CCNY: variants seen among roughly 807,000 people sequenced by gnomAD.
CCNY encodes the protein cyclin-Y.
CCNY carries 19 observed loss-of-function variants against 42.8 expected under a neutral mutation model. The ratio of observed to expected loss-of-function variants is 0.44; its 90% CI spans 0.31 to 0.65. CCNY has a LOEUF of 0.65. Ranked by LOEUF, CCNY falls within the 30% of genes least tolerant of loss-of-function variation. CCNY has a pLI of 0.07. For missense variants in CCNY, 370 were observed against 437.3 expected (o/e 0.85, Z 1.37); for synonymous variants, 165 against 162.7 (o/e 1.01, Z -0.11).
At chr10:35,352,647 T>C (rs556827865) in intron 1 of CCNY, among the ~76,000 whole-genome samples, 1 of 152,338 alleles carries the variant, frequency 6.6e-6, no homozygotes, top group East Asian at 1.9e-4. Flanking sequence ...GTCAACGTTA[T>C]TTGGACCTTG....
chr10:35,465,938 A>AGAGTGTGTGTGTGTGT, intron 1 of CCNY, among the ~76,000 whole-genome samples: 1 of 80,960 alleles, frequency 1.2e-5, no homozygotes, highest in South Asian at 5.1e-4. Context: ...AGAGAGAGAG[A>AGAGTGTGTGTGTGTGT]GTGTGTGTGT....
At chr10:35,500,492 A>G (rs957701417) in intron 2 of CCNY, among the ~76,000 whole-genome samples, 5 of 152,238 alleles carry the variant, frequency 3.3e-5, no homozygotes, top group Non-Finnish European at 7.3e-5. Flanking sequence ...TTGCAGAGGC[A>G]TGGACTGTAA....
chr10:35,553,328 G>A (rs1564456419), intron 8 of CCNY, 143 bp downstream of exon 8: 2 of 731,442 alleles, frequency 2.7e-6, no homozygotes, highest in Non-Finnish European at 4.2e-6. Flanking sequence ...TACAACAGGG[G>A]CATGGCTGTG....
chr10:35,465,284 C>T (rs562709140), intron 1 of CCNY, among the ~76,000 whole-genome samples: 2 of 152,256 alleles, frequency 1.3e-5, no homozygotes, highest in South Asian at 2.1e-4. Context: ...CTCCCCGCCC[C>T]GCCCCTGCCT....
intron 7 of CCNY, among the ~76,000 whole-genome samples, chr10:35,537,607 T>C (rs908706068): frequency 2.6e-5 from 4 of 152,224 alleles, no homozygotes; most frequent in African/African-American, 9.6e-5. Flanking sequence ...GAGATCATTT[T>C]AGAGCTTTAA....
chr10:35,358,671 G>A (rs1320304545), intron 1 of CCNY, among the ~76,000 whole-genome samples: 1 of 152,186 alleles, frequency 6.6e-6, no homozygotes, highest in African/African-American at 2.4e-5. Flanking sequence ...TGTAGATTTA[G>A]GTGGTTAATT....
intron 1 of CCNY, among the ~76,000 whole-genome samples, chr10:35,481,450 A>G (rs1839667499): frequency 6.6e-6 from 1 of 152,244 alleles, no homozygotes; most frequent in Non-Finnish European, 1.5e-5. Flanking sequence ...GGAAAGCTTC[A>G]CATTTTTTGA....
At chr10:35,416,677 TTTGG>T (rs1299448376) in intron 1 of CCNY, among the ~76,000 whole-genome samples, 1 of 152,212 alleles carries the variant, frequency 6.6e-6, no homozygotes. Flanking sequence ...GCATGATTTA[TTTGG>T]TTGTTACTGT....
chr10:35,284,611 T>C (rs753074613), intron 3 of CCNY, among the ~76,000 whole-genome samples: 5 of 152,184 alleles, frequency 3.3e-5, no homozygotes, highest in Admixed American at 6.5e-5. Context: ...TTTTCAATTT[T>C]GTTGATTTCT....
chr10:35,358,364 T>C (rs1052503514), intron 1 of CCNY, among the ~76,000 whole-genome samples: 16 of 152,168 alleles, frequency 1.1e-4, no homozygotes, highest in Admixed American at 3.9e-4. Flanking sequence ...GCATAAAGCA[T>C]TCTACCTGGA....
intron 8 of CCNY, among the ~76,000 whole-genome samples, chr10:35,556,240 A>G (rs1422325749): frequency 2.0e-5 from 3 of 152,146 alleles, no homozygotes; most frequent in African/African-American, 7.2e-5. Context: ...CTGACCATAA[A>G]TAGTTCTCCT....
At chr10:35,503,086 C>T (rs765488574) in intron 3 of CCNY, among the ~76,000 whole-genome samples, 5 of 152,106 alleles carry the variant, frequency 3.3e-5, no homozygotes, top group African/African-American at 4.8e-5. Flanking sequence ...CATCCCTGCA[C>T]GCCCCACCCC....
chr10:35,508,004 T>G (rs182135954), intron 3 of CCNY, among the ~76,000 whole-genome samples: 54 of 152,304 alleles, frequency 3.5e-4, no homozygotes, highest in Middle Eastern at 3.4e-3. Flanking sequence ...CTCCACTGTC[T>G]GTTTACTCGT....
intron 7 of CCNY, among the ~76,000 whole-genome samples, chr10:35,540,295 TTC>T (rs1840972606): frequency 6.6e-6 from 1 of 152,264 alleles, no homozygotes; most frequent in East Asian, 1.9e-4. Context: ...GGGTATTAGA[TTC>T]TGTTAAATGC....
exon 3 of CCNY, chr10:35,250,573 G>T (rs1361809646): frequency 6.6e-6 from 1 of 152,328 alleles, no homozygotes; most frequent in Non-Finnish European, 1.5e-5. Context: ...TGTTAAACAA[G>T]CTCTCTAGGT....
At chr10:35,456,748 G>A (rs1414756638) in intron 1 of CCNY, among the ~76,000 whole-genome samples, 1 of 152,116 alleles carries the variant, frequency 6.6e-6, no homozygotes, top group Non-Finnish European at 1.5e-5. Flanking sequence ...GAATGAAGTA[G>A]GAAATACATT....
rs1318595462 is a variant in CCNY at position 35,516,564 on chromosome 10, C to T, written c.306C>T (p.Ser102=). ...TAGCAAGGAAATACAGTTCCTGCTCCACCATTTTCCTAGATGATAGCACAG... is the reference window on the plus strand; with the variant it reads ...TAGCAAGGAAATACAGTTCCTGCTCTACCATTTTCCTAGATGATAGCACAG... ...GQIARKYSSC[S]TIFLDDSTVS... is the part of the protein sequence containing the mutation. The change falls in exon 4 of 10, where the codon TCC becomes TCT. Residue 102 remains serine (S), a synonymous_variant. Coordinates refer to ENST00000374704, the MANE Select transcript of CCNY (RefSeq NM_145012.6). 1.9e-6 allele frequency: 3 copies of T among 1,613,298 alleles called. No homozygotes were observed. The highest frequency in any genetic ancestry group is 2.2e-5 in the East Asian group (1 of 44,806).
chr10:35,525,012 A>G (rs1009529421), intron 4 of CCNY, among the ~76,000 whole-genome samples: 5 of 152,222 alleles, frequency 3.3e-5, no homozygotes, highest in African/African-American at 1.2e-4. Context: ...ATAGTTGTAG[A>G]TGGCACAAAT....
At chr10:35,447,311 A>G (rs1210510699) in intron 1 of CCNY, among the ~76,000 whole-genome samples, 1 of 152,252 alleles carries the variant, frequency 6.6e-6, no homozygotes, top group Non-Finnish European at 1.5e-5. Flanking sequence ...TAGAAAAACC[A>G]TAGTTTAACA....
Sources: gnomAD v4.1 joint callset for allele counts (sites outside exome capture counted in the v4.1 genomes callset) on GRCh38, gnomAD v4.1.1 for gene constraint, MANE v1.5 for transcripts, NCBI Gene and HGNC (gene_info 2026-07-23, HGNC 2026-07-21) for gene names.